The following ATRX variants were observed in gnomAD, a reference collection of about 807,000 sequenced individuals.
The protein encoded by ATRX is chromatin remodeler ATRX.
A neutral mutation model predicts 172.6 loss-of-function variants in ATRX; 12 were observed. The observed-to-expected ratio is 0.07, with a 90% CI of 0.04 to 0.11. The LOEUF is 0.11. ATRX is among the 10% of genes least tolerant of loss of function. ATRX has a pLI of 1.00. For missense variants in ATRX, 1,368 were observed against 1,767.4 expected (o/e 0.77, Z 4.05); for synonymous variants, 674 against 594.7 (o/e 1.13, Z -1.94).
intron 34 of ATRX, among the ~76,000 whole-genome samples, chrX:77,515,002 G>GA (rs1314150934): frequency 1.8e-5 from 2 of 112,175 alleles, no homozygotes; most frequent in African/African-American, 3.2e-5. Flanking sequence ...ACAATCATAT[G>GA]AAAAAAAGCT....
chrX:77,695,725 T>C (rs2072151282), intron 5 of ATRX, among the ~76,000 whole-genome samples: 1 of 111,791 alleles, frequency 8.9e-6, no homozygotes, highest in African/African-American at 3.2e-5. Flanking sequence ...TAATTTATCC[T>C]AGTCAAGGAA....
At chrX:77,655,934 G>C (rs2069524321) in intron 13 of ATRX, among the ~76,000 whole-genome samples, 1 of 110,776 alleles carries the variant, frequency 9.0e-6, no homozygotes, top group African/African-American at 3.3e-5. Context: ...GGGGAAATAA[G>C]AAAATTGTAG....
chrX:77,636,947 A>G (rs1170749005), intron 15 of ATRX, among the ~76,000 whole-genome samples: 3 of 99,912 alleles, frequency 3.0e-5, no homozygotes, highest in Non-Finnish European at 4.0e-5. Context: ...GAGAAGGAAG[A>G]AGGAGGAAGG....
intron 30 of ATRX, among the ~76,000 whole-genome samples, chrX:77,534,052 TG>T (rs1308091815): frequency 6.2e-5 from 7 of 112,252 alleles, no homozygotes; most frequent in Middle Eastern, 9.3e-3. Flanking sequence ...CTTCTTTATA[TG>T]ATTATGCCAA....
chrX:77,761,656 T>C (rs2075720902), intron 1 of ATRX, among the ~76,000 whole-genome samples: 1 of 111,780 alleles, frequency 8.9e-6, no homozygotes. Context: ...TTTCTGTGTG[T>C]GCTGAAAACA....
At chrX:77,753,660 GTC>G (rs1315555085) in intron 1 of ATRX, among the ~76,000 whole-genome samples, 1 of 111,814 alleles carries the variant, frequency 8.9e-6, no homozygotes, top group Non-Finnish European at 1.9e-5. Context: ...CTGGTACGTT[GTC>G]TCTTTGTTCT....
chrX:77,636,132 T>C (rs1229528466), intron 15 of ATRX, 76 bp from the exon 16 acceptor site: 1 of 1,048,871 alleles, frequency 9.5e-7, no homozygotes, highest in East Asian at 3.0e-5. Context: ...CAAGGGAGAT[T>C]TTCCAAAATA....
At chrX:77,687,767 T>C (rs1396481745) in intron 7 of ATRX, among the ~76,000 whole-genome samples, 1 of 112,214 alleles carries the variant, frequency 8.9e-6, no homozygotes, top group Non-Finnish European at 1.9e-5. Flanking sequence ...CATTTAAGCA[T>C]GTCTGAATCT....
chrX:77,528,154 G>A (rs1569517072), intron 30 of ATRX, among the ~76,000 whole-genome samples: 1 of 109,144 alleles, frequency 9.2e-6, no homozygotes, highest in Non-Finnish European at 1.9e-5. Flanking sequence ...CTCCTTCCCC[G>A]CACAAGGCAC....
intron 1 of ATRX, among the ~76,000 whole-genome samples, chrX:77,763,889 G>A (rs1400196426): frequency 5.4e-5 from 6 of 111,157 alleles, no homozygotes; most frequent in Non-Finnish European, 9.4e-5. Flanking sequence ...TGAGGCAAGC[G>A]GATCACTTGA....
chrX:77,615,976 G>C, intron 22 of ATRX: 16 of 753,698 alleles, frequency 2.1e-5, no homozygotes, highest in Non-Finnish European at 2.5e-5. Flanking sequence ...AGGTTTTGTT[G>C]TGTGAAGACA....
At chrX:77,664,610 T>C (rs1453857806) in intron 11 of ATRX, 35 bp downstream of exon 11, 3 of 1,202,383 alleles carry the variant, frequency 2.5e-6, no homozygotes, top group Non-Finnish European at 1.1e-6. Context: ...AGGAATCAAA[T>C]TATGACATTA....
chrX:77,739,325 T>C (rs1348935132), intron 1 of ATRX, among the ~76,000 whole-genome samples: 2 of 110,168 alleles, frequency 1.8e-5, no homozygotes, highest in African/African-American at 6.6e-5. Flanking sequence ...AATTCATTCA[T>C]TCTTATAGCC....
At chrX:77,608,740 A>T (rs2067027870) in intron 22 of ATRX, among the ~76,000 whole-genome samples, 1 of 111,903 alleles carries the variant, frequency 8.9e-6, no homozygotes, top group Non-Finnish European at 1.9e-5. Flanking sequence ...GACAGATGGG[A>T]TCATATCAAG....
At chrX:77,732,866 A>C (rs2074362449) in intron 1 of ATRX, among the ~76,000 whole-genome samples, 1 of 111,528 alleles carries the variant, frequency 9.0e-6, no homozygotes. Context: ...AGATCACGAC[A>C]AGAATGCCCA....
chrX:77,668,505 T>C (rs1248575764), intron 10 of ATRX, among the ~76,000 whole-genome samples: 6 of 111,474 alleles, frequency 5.4e-5, no homozygotes, highest in Non-Finnish European at 9.4e-5. Flanking sequence ...CAGTCACGAC[T>C]CTATCAGAAG....
chrX:77,724,548 T>C (rs2073943221), intron 1 of ATRX, among the ~76,000 whole-genome samples: 1 of 110,391 alleles, frequency 9.1e-6, no homozygotes, highest in Non-Finnish European at 1.9e-5. Context: ...TATCTTCACA[T>C]CCTCAGGATG....
At chrX:77,617,837 C>A (rs1557097664) in intron 21 of ATRX, among the ~76,000 whole-genome samples, 1 of 110,670 alleles carries the variant, frequency 9.0e-6, no homozygotes, top group South Asian at 3.9e-4. Flanking sequence ...CTGCCTCAGC[C>A]TCCCAAGTGA....
chrX:77,571,756 T>G (rs182232169), intron 28 of ATRX, among the ~76,000 whole-genome samples: 1 of 111,543 alleles, frequency 9.0e-6, no homozygotes, highest in African/African-American at 3.2e-5. Context: ...GGTAAAGGGT[T>G]CACAGGACCT....
Sources: allele counts gnomAD v4.1 joint callset (sites outside exome capture counted in the v4.1 genomes callset), GRCh38; gene constraint gnomAD v4.1.1; transcripts MANE v1.5; gene names NCBI Gene and HGNC (gene_info 2026-07-23, HGNC 2026-07-21).